Variants in GLS observed in about 807,000 individuals in gnomAD.
The protein encoded by GLS is glutaminase kidney isoform, mitochondrial.
Under a neutral mutation model 86.7 loss-of-function variants are expected in GLS, and 36 were observed. The observed-to-expected ratio is 0.42, with a 90% CI of 0.32 to 0.55. The LOEUF (loss-of-function observed/expected upper bound fraction) is 0.55. GLS is among the 20% of genes least tolerant of loss of function. The probability of loss-of-function intolerance (pLI) is 0.17; values close to 1 mark genes in which losing one functional copy is unlikely to be tolerated. For synonymous variants in GLS, 317 were observed against 305.9 expected (o/e 1.04, Z -0.38); for missense variants, 528 against 833.4 (o/e 0.63, Z 4.51).
At position 190,897,766 on chromosome 2, in the gene GLS, A is replaced by C. The variant is rs946747427; in HGVS notation, c.605+2041A>C. Among the ~76,000 whole-genome samples, 2 of 152,314 alleles carry C rather than the reference A, an allele frequency of 1.3e-5. No homozygotes were observed. The highest frequency in any genetic ancestry group is 1.5e-5 in the Non-Finnish European group (1 of 68,018). ...TAGGGAGGAGATGTTAAAACATGGG[A>C]TTCATTTTTCCCCAGAGAAATAATT... On this transcript the variant is annotated intron_variant, in intron 3 of 17. Coordinates refer to ENST00000320717, the MANE Select transcript of GLS (RefSeq NM_014905.5). The surrounding 1 kb of genome is among the most constrained non-coding windows in gnomAD (Gnocchi z 4.3).
rs1690250547 is a variant in GLS, at chr2:190,935,645, A to AG, written c.1650+4010dup. ...ATTTGTAGGTTATTTCTGCTTTCTGAGGAGGAATATTGTTGTTATTCACTA... is the reference window on the plus strand; with the variant it reads ...ATTTGTAGGTTATTTCTGCTTTCTGAGGGAGGAATATTGTTGTTATTCACTA... On this transcript the variant is annotated intron_variant, in intron 14 of 17. Transcript: ENST00000320717. This position sits in a 1 kb window ranked among gnomAD's most constrained non-coding sequence, Gnocchi z 4.2. 6.6e-6 allele frequency among the ~76,000 whole-genome samples: 1 copy of AG among 151,256 alleles called. No homozygotes were observed. Among genetic ancestry groups the AG allele is most frequent in the Non-Finnish European group, 1.5e-5 (1 of 67,298 alleles).
chr2:190,890,897 A>G (rs959127020), intron 1 of GLS, among the ~76,000 whole-genome samples: 2 of 152,178 alleles, frequency 1.3e-5, no homozygotes, highest in African/African-American at 4.8e-5. Flanking sequence ...AAAAAAAATA[A>G]GAAAGACTTG....
Position 190,881,063 on chromosome 2 carries a change from G to T in GLS, c.-22G>T, listed in dbSNP as rs770940566. ...CCCGGAGCATCCTCCCCTGTTGAGC[G>T]GGCGCTGACGGACCCGGCGGCATGA... is the stretch of plus-strand genomic sequence containing the variant. On this transcript the variant is annotated 5_prime_UTR_variant, in exon 1 of 18. Transcript: ENST00000320717. 8 of 1,542,064 alleles carry T rather than the reference G, an allele frequency of 5.2e-6. No homozygotes were observed. Among genetic ancestry groups the T allele is most frequent in the South Asian group, 2.4e-5 (2 of 84,338 alleles).
At chr2:190,961,646 T>C (rs1691002762) in intron 17 of GLS, among the ~76,000 whole-genome samples, 1 of 151,232 alleles carries the variant, frequency 6.6e-6, no homozygotes, top group Admixed American at 6.6e-5. Flanking sequence ...GCCACTGACT[T>C]CCTAAACTAA....
chr2:190,954,774 A>AT lies in GLS; in HGVS notation c.1814dup (p.Leu605PhefsTer17), dbSNP rs1447740600. 1.9e-6 allele frequency: 3 copies of AT among 1,613,666 alleles called. No individual in the cohort carries two copies. ...GTATAGGTCATGTTGAAGTTGTTAA[A>AT]TTTTTGCTGGAAGCCTGCAAAGTAA... On this transcript the variant is annotated frameshift_variant, in exon 17 of 18. Coordinates refer to ENST00000320717, the MANE Select transcript of GLS (RefSeq NM_014905.5). LOFTEE classifies it high-confidence loss of function. The surrounding 1 kb of genome is among the most constrained non-coding windows in gnomAD (Gnocchi z 4.0).
In GLS at chr2:190,913,262, G is replaced by GA; in HGVS notation, c.1038+2947dup. The GA allele has an allele frequency of 7.7e-7, 1 of 1,298,580 alleles. No individual in the cohort carries two copies. The highest frequency in any genetic ancestry group is 1.0e-6 in the Non-Finnish European group (1 of 987,134). The allele number at this position is 1,298,580 out of a possible 1,614,324, so 80.4% of individuals were successfully genotyped here. ...TGTTCAAAAGGATTAGCAGATTGTG[G>GA]AAAAAAGGAGAATTTGGACAGAAGG... On this transcript the variant is annotated intron_variant, in intron 7 of 17. Coordinates refer to ENST00000320717, the MANE Select transcript of GLS (RefSeq NM_014905.5). The surrounding 1 kb of genome is among the most constrained non-coding windows in gnomAD (Gnocchi z 6.1).
intron 14 of GLS, among the ~76,000 whole-genome samples, chr2:190,931,983 G>C (rs944848365): frequency 1.3e-5 from 2 of 151,908 alleles, no homozygotes; most frequent in Admixed American, 1.3e-4. Flanking sequence ...CAAAACATTG[G>C]AATGTGCTGC....
intron 11 of GLS, chr2:190,927,065 C>G: frequency 5.3e-6 from 2 of 377,910 alleles, no homozygotes; most frequent in Non-Finnish European, 9.5e-6. Flanking sequence ...GAGGCTGGCA[C>G]TTCCTAGTCT....
rs1482597645 is a variant in GLS, at chr2:190,925,000, A to G, written c.1248+407A>G. On this transcript the variant is annotated intron_variant, in intron 11 of 17. Coordinates refer to ENST00000320717, the MANE Select transcript of GLS (RefSeq NM_014905.5). This position sits in a 1 kb window ranked among gnomAD's most constrained non-coding sequence, Gnocchi z 5.2. Reference sequence around the variant, plus strand: ...TAGGCCATGAGAAAATACATTTTCCATTGACTTTCAAAAATGTCTTCATAA... The same window carrying G: ...TAGGCCATGAGAAAATACATTTTCCGTTGACTTTCAAAAATGTCTTCATAA... 1.3e-5 allele frequency among the ~76,000 whole-genome samples: 2 copies of G among 152,210 alleles called. No homozygotes were observed. Among genetic ancestry groups the G allele is most frequent in the African/African-American group, 4.8e-5 (2 of 41,474 alleles).
chr2:190,907,315 C>T (rs1689186270), intron 6 of GLS, among the ~76,000 whole-genome samples: 2 of 149,378 alleles, frequency 1.3e-5, no homozygotes, highest in South Asian at 2.1e-4. Context: ...AATCTCGGCT[C>T]GGCGCAATCT....
Position 190,921,329 on chromosome 2 carries a change from C to G in GLS, c.1130+126C>G. 9.7e-6 allele frequency: 7 copies of G among 721,500 alleles called. No homozygotes were observed. The highest frequency in any genetic ancestry group is 1.7e-5 in the Non-Finnish European group (7 of 419,230). The allele number at this position is 721,500 out of a possible 1,614,324, so 44.7% of individuals were successfully genotyped here. A position where few individuals can be genotyped will look rare whatever the true frequency, so the allele number is the denominator to read the frequency against. On this transcript the variant is annotated intron_variant, in intron 9 of 17. Transcript: ENST00000320717. The surrounding 1 kb of genome is among the most constrained non-coding windows in gnomAD (Gnocchi z 4.2). ...TACCTGACAGAAACACTTAAAAATA[C>G]TTTAAATAGTTTTGACAAATTTCTT...
In GLS at chr2:190,962,983, G is replaced by T. The variant is rs1691039482; in HGVS notation, c.2007G>T (p.Leu669Phe). The stretch of plus-strand genomic sequence containing the variant: ...TCCATAAGAATCTTGATGGATTGTT[G>T]TAATGGTCTCAAATCCCAAGATTTA... The part of the protein sequence containing the change: ...QTVHKNLDGL[L>F] The change falls in exon 18 of 18, where the codon TTG (leucine) becomes TTT (phenylalanine). Residue 669 changes from leucine to phenylalanine, a missense_variant. Physicochemically the swap from Leu to Phe is conservative, Grantham distance 22. This residue lies in a region of GLS where 30 missense variants were observed against 36.9 expected (regional missense o/e 0.81). Transcript: ENST00000320717. The surrounding 1 kb of genome is among the most constrained non-coding windows in gnomAD (Gnocchi z 4.2). 6.3e-7 allele frequency: 1 copy of T among 1,589,432 alleles called. No homozygotes were observed. Among genetic ancestry groups the T allele is most frequent in the Non-Finnish European group, 8.5e-7 (1 of 1,171,034 alleles).
At chr2:190,923,866 C>A in intron 9 of GLS, 51 bp from the exon 10 acceptor site, 3 of 1,091,104 alleles carry the variant, frequency 2.7e-6, no homozygotes, top group Non-Finnish European at 4.2e-6. Flanking sequence ...TATGAACAAT[C>A]ACACTTTTAA....
intron 14 of GLS, among the ~76,000 whole-genome samples, chr2:190,952,400 G>T (rs1490482426): frequency 6.6e-6 from 1 of 152,150 alleles, no homozygotes; most frequent in Admixed American, 6.5e-5. Flanking sequence ...CCAAGAGGGG[G>T]ATTGAATATT....
At chr2:190,959,601 C>G (rs1690951336) in intron 17 of GLS, among the ~76,000 whole-genome samples, 1 of 152,080 alleles carries the variant, frequency 6.6e-6, no homozygotes, top group Non-Finnish European at 1.5e-5. Flanking sequence ...ACAAGACAAA[C>G]CTTTAGAGAA....
intron 14 of GLS, among the ~76,000 whole-genome samples, chr2:190,941,123 C>T (rs1161614704): frequency 1.3e-5 from 2 of 152,142 alleles, no homozygotes; most frequent in South Asian, 2.1e-4. Context: ...TGCCAGAAAC[C>T]GTGAAGTGTT....
intron 7 of GLS, among the ~76,000 whole-genome samples, chr2:190,916,844 C>T (rs2124884770): frequency 6.6e-6 from 1 of 151,838 alleles, no homozygotes; most frequent in Non-Finnish European, 1.5e-5. Context: ...AGTAGTATTG[C>T]ATCTAAAAAA....
intron 1 of GLS, among the ~76,000 whole-genome samples, chr2:190,885,849 T>G (rs953249314): frequency 4.1e-5 from 6 of 147,576 alleles, no homozygotes; most frequent in Non-Finnish European, 7.5e-5. Context: ...TGAGTTTTAG[T>G]TTTTTTTTTT....
At chr2:190,934,525 T>G in intron 14 of GLS, 1 of 983,984 alleles carries the variant, frequency 1.0e-6, no homozygotes, top group Non-Finnish European at 1.2e-6. Flanking sequence ...TGCATATTTG[T>G]GTTGCATATT....
Sources: gnomAD v4.1 joint callset for allele counts (sites outside exome capture counted in the v4.1 genomes callset) on GRCh38, gnomAD v4.1.1 for gene constraint, gnomAD v4.1.1 regional missense constraint, Gnocchi (gnomAD v3.1) non-coding constraint, MANE v1.5 for transcripts, NCBI Gene and HGNC (gene_info 2026-07-23, HGNC 2026-07-21) for gene names.